NOTCH2: variants seen among roughly 807,000 people sequenced by gnomAD.
NOTCH2 encodes the protein notch receptor 2.
Under a neutral mutation model 235.8 loss-of-function variants are expected in NOTCH2, and 29 were observed. That is an observed-to-expected ratio of 0.12 (90% CI 0.09 to 0.17). The LOEUF is 0.17. Among genes scored for constraint, NOTCH2 ranks in the 10% least tolerant of loss-of-function variants. NOTCH2 has a pLI of 1.00. For missense variants in NOTCH2, 2,285 were observed against 3,150.2 expected (o/e 0.73, Z 6.57); for synonymous variants, 1,086 against 1,141.5 (o/e 0.95, Z 0.98).
chr1:119,968,968 T>C (rs1159059815), intron 6 of NOTCH2, among the ~76,000 whole-genome samples: 2 of 152,230 alleles, frequency 1.3e-5, no homozygotes, highest in East Asian at 3.8e-4. Context: ...TCCCATCACC[T>C]TCCTCCTTAC....
chr1:120,004,199 G>A (rs1553205937), intron 3 of NOTCH2, among the ~76,000 whole-genome samples: 1 of 151,898 alleles, frequency 6.6e-6, no homozygotes, highest in East Asian at 1.9e-4. Flanking sequence ...CTCAACTACA[G>A]GGTAGCAGAG....
chr1:119,941,410 G>A (rs1327029662), intron 18 of NOTCH2, 116 bp downstream of exon 18: 1 of 745,886 alleles, frequency 1.3e-6, no homozygotes, highest in Non-Finnish European at 2.4e-6. Context: ...CTGTGGACTG[G>A]GATCCATGTG....
intron 1 of NOTCH2, among the ~76,000 whole-genome samples, chr1:120,047,744 T>C (rs1158285923): frequency 6.7e-6 from 1 of 148,694 alleles, no homozygotes; most frequent in South Asian, 2.1e-4. Flanking sequence ...TTTTGTGCTC[T>C]TGAAAAATTA....
At chr1:119,972,139 G>C (rs1202294371) in intron 5 of NOTCH2, among the ~76,000 whole-genome samples, 1 of 151,214 alleles carries the variant, frequency 6.6e-6, no homozygotes, top group African/African-American at 2.4e-5. Flanking sequence ...GTAAGAAAGG[G>C]AGGGAGGGAG....
Position 119,953,516 on chromosome 1 carries a change from C to T in NOTCH2, c.2365+27G>A, listed in dbSNP as rs201241297. 793 of 1,612,816 alleles carry T rather than the reference C, an allele frequency of 4.9e-4. 1 individual carries two copies. Among genetic ancestry groups the T allele is most frequent in the African/African-American group, 1.9e-3 (144 of 74,894 alleles). ...CAACAACAAGAAGACAAAGAGCAGA[C>T]GCAGAAAGATGTACTTTTGTTTTCA... On this transcript the variant is annotated intron_variant, in intron 14 of 33. Transcript: ENST00000256646.
chr1:119,996,313 A>T lies in NOTCH2; in HGVS notation c.751+684T>A, dbSNP rs1570727253. The T allele has an allele frequency of 1.3e-5, 4 of 314,390 alleles. No homozygotes were observed. In the Admixed American group the frequency reaches 1.4e-4, roughly 11 times the overall value. 19.5% of individuals were successfully genotyped at this position (314,390 alleles called of 1,614,324 possible). On this transcript the variant is annotated intron_variant, in intron 4 of 33. Transcript: ENST00000256646. ...GTGTGCACTCTAGAACACTTGTATC[A>T]GTGAAGAGTGTAACAAAGTATTGTG...
Position 119,968,346 on chromosome 1 carries a change from T to C in NOTCH2, c.1109-114A>G, listed in dbSNP as rs1411052441. ...ATGATCAGTTCCTCAGAATCCAACA[T>C]GGAGATTTATACGCAACTTCTGCTT... On this transcript the variant is annotated intron_variant, in intron 6 of 33. Transcript: ENST00000256646. 11 of 1,158,100 alleles carry C rather than the reference T, an allele frequency of 9.5e-6. No homozygotes were observed. The East Asian group carries it at 1.5e-4, about 16-fold the overall frequency. The allele number at this position is 1,158,100 out of a possible 1,614,324, so 71.7% of individuals were successfully genotyped here.
At chr1:119,935,380 C>G (rs1553195603) in intron 22 of NOTCH2, 92 bp downstream of exon 22, 2 of 1,612,020 alleles carry the variant, frequency 1.2e-6, no homozygotes, top group South Asian at 2.2e-5. Flanking sequence ...GTCTTCCTAT[C>G]TTTAATTTTA....
rs1553197318 is a variant in NOTCH2, at chr1:119,948,428, T to G, written c.2738A>C (p.Asp913Ala). 6.2e-7 allele frequency: 1 copy of G among 1,614,066 alleles called. No homozygotes were observed. Among genetic ancestry groups the G allele is most frequent in the African/African-American group, 1.3e-5 (1 of 74,932 alleles). ...GGCATACTCACTGGCAAGGCAGTCA[T>G]CAATGTCCTCCTCACAGTCCATACC... Reference protein sequence around the residue: ...FSGMDCEEDIDDCLANPCQNG... With the variant: ...FSGMDCEEDIADCLANPCQNG... The change falls in exon 17 of 34, where the codon GAT becomes GCT. Residue 913 changes from aspartate (D) to alanine (A), a missense_variant. Asp to Ala is a moderately radical substitution (Grantham distance 126, BLOSUM62 -2). Transcript: ENST00000256646.
chr1:119,987,296 G>A (rs1570718185), intron 4 of NOTCH2, among the ~76,000 whole-genome samples: 3 of 152,096 alleles, frequency 2.0e-5, no homozygotes, highest in South Asian at 4.2e-4. Context: ...TTGTGCCAAT[G>A]GCATGCCTTC....
rs970287437 is a variant in NOTCH2 at position 119,912,540 on chromosome 1, A to G, written c.*2766T>C. 20 of 233,016 alleles carry G rather than the reference A, an allele frequency of 8.6e-5. No homozygotes were observed. The highest frequency in any genetic ancestry group is 1.2e-4 in the Non-Finnish European group (14 of 117,990). The allele number at this position is 233,016 out of a possible 1,614,324, so 14.4% of individuals were successfully genotyped here. A position where few individuals can be genotyped will look rare whatever the true frequency, so the allele number is the denominator to read the frequency against. The stretch of plus-strand genomic sequence containing the variant: ...CATACCTTTCCCTTCCCCACCTCAC[A>G]TAAGAAAATGATGCTTAAAACAAAA... On this transcript the variant is annotated 3_prime_UTR_variant, in exon 34 of 34. Transcript: ENST00000256646.
chr1:119,919,217 G>T, intron 31 of NOTCH2, 95 bp downstream of exon 31: 2 of 1,309,754 alleles, frequency 1.5e-6, no homozygotes, highest in South Asian at 1.2e-5. Flanking sequence ...TCAAATGATT[G>T]AATAAATTCA....
intron 33 of NOTCH2, among the ~76,000 whole-genome samples, chr1:119,917,055 A>C (rs1419664773): frequency 6.6e-6 from 1 of 152,168 alleles, no homozygotes; most frequent in Non-Finnish European, 1.5e-5. Context: ...GAAATAAGAA[A>C]GGTAGGAATA....
Position 119,938,260 on chromosome 1 carries a change from T to C in NOTCH2, c.3184-250A>G, listed in dbSNP as rs138816612. 9.7e-4 allele frequency among the ~76,000 whole-genome samples: 148 copies of C among 152,250 alleles called. 1 individual carries two copies. The highest frequency in any genetic ancestry group is 3.4e-3 in the African/African-American group (142 of 41,546). On this transcript the variant is annotated intron_variant, in intron 19 of 33. Coordinates refer to ENST00000256646, the MANE Select transcript of NOTCH2 (RefSeq NM_024408.4). ...GAAACTGTGACTTTAAGGACAACGA[T>C]ATATAACGAAACCAATTTTACCACA...
At chr1:119,980,747 G>A (rs1553201546) in intron 5 of NOTCH2, among the ~76,000 whole-genome samples, 2 of 152,162 alleles carry the variant, frequency 1.3e-5, no homozygotes, top group East Asian at 1.9e-4. Flanking sequence ...GCCTTCCAGA[G>A]GCTGATAGTC....
intron 2 of NOTCH2, among the ~76,000 whole-genome samples, chr1:120,014,474 G>A (rs1374563740): frequency 2.7e-5 from 4 of 149,020 alleles, no homozygotes; most frequent in Admixed American, 6.6e-5. Flanking sequence ...TCAAACATAC[G>A]CATGGGGTTG....
intron 5 of NOTCH2, 136 bp downstream of exon 5, chr1:119,986,824 C>A: frequency 2.8e-6 from 3 of 1,066,540 alleles, no homozygotes; most frequent in Non-Finnish European, 4.2e-6. Context: ...AATGATCTAG[C>A]ATGGAGATCC....
Position 119,925,674 on chromosome 1 carries a change from C to T in NOTCH2, c.4142G>A (p.Ser1381Asn), listed in dbSNP as rs886044453. The change falls in exon 25 of 34, where the codon AGC (serine) becomes AAC (asparagine). Residue 1381 changes from serine (S) to asparagine (N), a missense_variant. Physicochemically the swap from Ser to Asn is conservative, Grantham distance 46 (BLOSUM62 1). Around this residue, in one of 6 missense-constraint regions of NOTCH2, gnomAD observed 1,173 missense variants for 1,515.3 expected, o/e 0.77. Transcript: ENST00000256646. ...GCAGCTGCCCCCGTGCTGGCAGGGG[C>T]TACTGGCACAGCCTGACTCGCAGTC... ...PRDCESGCAS[S>N]PCQHGGSCHP... The T allele has an allele frequency of 6.8e-6, 11 of 1,612,170 alleles. No individual in the cohort carries two copies. The Admixed American group carries it at 8.3e-5, about 12-fold the overall frequency.
At chr1:120,060,472 A>ATATATATAT (rs1655275974) in intron 1 of NOTCH2, among the ~76,000 whole-genome samples, 1 of 144,538 alleles carries the variant, frequency 6.9e-6, no homozygotes, top group African/African-American at 2.5e-5. Flanking sequence ...TATATATATA[A>ATATATATAT]AAATAAATCA....
Sources: gnomAD v4.1 joint callset for allele counts (sites outside exome capture counted in the v4.1 genomes callset) on GRCh38, gnomAD v4.1.1 for gene constraint, gnomAD v4.1.1 regional missense constraint, MANE v1.5 for transcripts, NCBI Gene and HGNC (gene_info 2026-07-23, HGNC 2026-07-21) for gene names.